The following PRKN variants were observed in gnomAD, a reference collection of about 807,000 sequenced individuals.
PRKN encodes parkin RBR E3 ubiquitin protein ligase.
PRKN carries 56 observed loss-of-function variants against 59.5 expected under a neutral mutation model. The observed-to-expected ratio is 0.94, with a 90% CI of 0.76 to 1.18. PRKN has a LOEUF of 1.18. PRKN is among the 50% of genes most tolerant of loss of function. PRKN has a pLI of 0.00. For missense variants in PRKN, 657 were observed against 596.4 expected, an observed-to-expected ratio of 1.10 and a Z score of -1.06; for synonymous variants, 250 against 222.1, an observed-to-expected ratio of 1.13 and a Z score of -1.12.
At chr6:162,237,944 A>T (rs144165287) in intron 3 of PRKN, among the ~76,000 whole-genome samples, 2 of 152,286 alleles carry the variant, frequency 1.3e-5, no homozygotes, top group Non-Finnish European at 2.9e-5. Flanking sequence ...CACATATTAC[A>T]TTATCCAGGT....
At chr6:162,436,455 C>T (rs1351751964) in intron 2 of PRKN, among the ~76,000 whole-genome samples, 1 of 151,416 alleles carries the variant, frequency 6.6e-6, no homozygotes, top group African/African-American at 2.4e-5. Context: ...CCTCAGCCTT[C>T]CACGTAGCTG....
chr6:162,617,258 G>A (rs1354665821), intron 1 of PRKN, among the ~76,000 whole-genome samples: 1 of 152,066 alleles, frequency 6.6e-6, no homozygotes, highest in Non-Finnish European at 1.5e-5. Context: ...TTGAGACGGA[G>A]TCACACTCTG....
At chr6:161,720,256 C>T (rs1289947583) in intron 7 of PRKN, among the ~76,000 whole-genome samples, 2 of 152,194 alleles carry the variant, frequency 1.3e-5, no homozygotes, top group African/African-American at 4.8e-5. Flanking sequence ...GAGCTAATCA[C>T]CCACCAGGTA....
intron 2 of PRKN, among the ~76,000 whole-genome samples, chr6:162,349,186 G>A (rs1784523969): frequency 1.3e-5 from 2 of 152,056 alleles, no homozygotes; most frequent in Admixed American, 6.6e-5. Flanking sequence ...AGGAATGACT[G>A]GCCTGGCACG....
rs1199271358 is a variant in PRKN, at chr6:161,379,953, C to T, written c.1167+6841G>A. 3.3e-5 allele frequency among the ~76,000 whole-genome samples: 5 copies of T among 152,196 alleles called. No homozygotes were observed. The highest frequency in any genetic ancestry group is 2.1e-4 in the South Asian group (1 of 4,830). ...TCTTTCGAAAGCACCCATCTGATGACGTCAATCTTTAAAAAATCTCCAGAT... is the reference window on the plus strand; with the variant it reads ...TCTTTCGAAAGCACCCATCTGATGATGTCAATCTTTAAAAAATCTCCAGAT... On this transcript the variant is annotated intron_variant, in intron 10 of 11. Coordinates refer to ENST00000366898, the MANE Select transcript of PRKN (RefSeq NM_004562.3). This position sits in a 1 kb window ranked among gnomAD's most constrained non-coding sequence, Gnocchi z 4.9.
intron 9 of PRKN, among the ~76,000 whole-genome samples, chr6:161,394,436 T>C (rs1476658003): frequency 6.6e-6 from 1 of 152,192 alleles, no homozygotes; most frequent in Non-Finnish European, 1.5e-5. Flanking sequence ...CACAAAATAT[T>C]GTGACCTCCA....
intron 4 of PRKN, among the ~76,000 whole-genome samples, chr6:162,102,767 G>C (rs144614285): frequency 6.9e-6 from 1 of 144,040 alleles, no homozygotes; most frequent in Non-Finnish European, 1.5e-5. Flanking sequence ...AACTTGCCCG[G>C]GCGCGGTGGC....
intron 1 of PRKN, among the ~76,000 whole-genome samples, chr6:162,717,148 A>C (rs1397808778): frequency 6.6e-6 from 1 of 152,204 alleles, no homozygotes; most frequent in African/African-American, 2.4e-5. Flanking sequence ...ATGTGACCAC[A>C]GCAGCAGAGA....
intron 1 of PRKN, among the ~76,000 whole-genome samples, chr6:162,619,202 G>A (rs1782555647): frequency 6.7e-6 from 1 of 149,702 alleles, no homozygotes; most frequent in Non-Finnish European, 1.5e-5. Context: ...GAGTGCAGTG[G>A]TGAGATCTCT....
intron 4 of PRKN, among the ~76,000 whole-genome samples, chr6:162,195,145 T>C (rs1319144653): frequency 1.3e-5 from 2 of 152,222 alleles, no homozygotes; most frequent in Non-Finnish European, 2.9e-5. Flanking sequence ...ACAGAATGCA[T>C]GGTGGCCGGT....
chr6:161,531,185 T>C (rs1173002581), intron 9 of PRKN, among the ~76,000 whole-genome samples: 2 of 151,658 alleles, frequency 1.3e-5, no homozygotes, highest in Non-Finnish European at 2.9e-5. Context: ...ATCGAGACCA[T>C]CCTGGCTAAC....
chr6:161,601,585 ATTT>A (rs200244232), intron 7 of PRKN, among the ~76,000 whole-genome samples: 1 of 140,802 alleles, frequency 7.1e-6, no homozygotes. Context: ...AATATAGTGG[ATTT>A]TTTTTTTTTT....
At chr6:161,966,845 G>A (rs1333461928) in intron 6 of PRKN, among the ~76,000 whole-genome samples, 1 of 152,156 alleles carries the variant, frequency 6.6e-6, no homozygotes, top group Non-Finnish European at 1.5e-5. Context: ...TTGTTTGTTT[G>A]TTTTGAGACG....
intron 1 of PRKN, among the ~76,000 whole-genome samples, chr6:162,616,281 G>A (rs1169922952): frequency 6.6e-6 from 1 of 152,064 alleles, no homozygotes; most frequent in East Asian, 1.9e-4. Flanking sequence ...GCCCGCTGGG[G>A]ACAAGGGAGC....
At chr6:161,839,288 C>T (rs1035829885) in intron 6 of PRKN, among the ~76,000 whole-genome samples, 2 of 152,030 alleles carry the variant, frequency 1.3e-5, no homozygotes, top group Non-Finnish European at 2.9e-5. Flanking sequence ...GCTGAGGGAG[C>T]GCCTGGAGCT....
At chr6:161,781,013 C>T (rs1233854621) in intron 7 of PRKN, among the ~76,000 whole-genome samples, 1 of 152,120 alleles carries the variant, frequency 6.6e-6, no homozygotes, top group Non-Finnish European at 1.5e-5. Context: ...TGAGTACTTA[C>T]GGAGATACAT....
At chr6:162,436,231 T>C (rs1403808292) in intron 2 of PRKN, among the ~76,000 whole-genome samples, 2 of 125,782 alleles carry the variant, frequency 1.6e-5, no homozygotes, top group Non-Finnish European at 3.6e-5. Flanking sequence ...AAAAAAACCA[T>C]GAAATTTCAA....
At chr6:161,688,767 G>A (rs1785661213) in intron 7 of PRKN, among the ~76,000 whole-genome samples, 1 of 152,208 alleles carries the variant, frequency 6.6e-6, no homozygotes, top group Non-Finnish European at 1.5e-5. Flanking sequence ...TCCATGGGCT[G>A]AGGTGGGCTG....
chr6:162,160,890 C>CA lies in PRKN; in HGVS notation c.534+40240dup, dbSNP rs56320816. The stretch of plus-strand genomic sequence containing the variant: ...TGGGCAACACAGAGAGACTCCGTCT[C>CA]AAAAAAAAAAAAAAAAAAAAAAAAA... On this transcript the variant is annotated intron_variant, in intron 4 of 11. Transcript: ENST00000366898. 1.7e-3 allele frequency among the ~76,000 whole-genome samples: 133 copies of CA among 80,262 alleles called. 9 individuals carry two copies. Among genetic ancestry groups the CA allele is most frequent in the African/African-American group, 3.3e-3 (63 of 18,892 alleles). The allele number at this position is 80,262 out of a possible 152,430, so 52.7% of individuals were successfully genotyped here. A position where few individuals can be genotyped will look rare whatever the true frequency, so the allele number is the denominator to read the frequency against.
Sources: gnomAD v4.1 joint callset for allele counts (sites outside exome capture counted in the v4.1 genomes callset) on GRCh38, gnomAD v4.1.1 for gene constraint, Gnocchi (gnomAD v3.1) non-coding constraint, MANE v1.5 for transcripts, NCBI Gene and HGNC (gene_info 2026-07-23, HGNC 2026-07-21) for gene names.